Variants in MAD1L1 observed in about 807,000 individuals in gnomAD.
MAD1L1 encodes mitotic spindle assembly checkpoint protein MAD1.
Under a neutral mutation model 96.9 loss-of-function variants are expected in MAD1L1, and 95 were observed. That is an observed-to-expected ratio of 0.98 (90% CI 0.83 to 1.16). The LOEUF (loss-of-function observed/expected upper bound fraction) is 1.16, where lower values mean the gene tolerates loss of function less well. Ranked by LOEUF, MAD1L1 falls within the 50% of genes most tolerant of loss-of-function variation. MAD1L1 has a pLI of 0.00. For synonymous variants in MAD1L1, 473 were observed against 396.6 expected, an observed-to-expected ratio of 1.19 and a Z score of -2.29; for missense variants, 1,007 against 954.4, an observed-to-expected ratio of 1.06 and a Z score of -0.73.
chr7:2,050,942 G>A (rs1784140259), intron 12 of MAD1L1, among the ~76,000 whole-genome samples: 2 of 152,224 alleles, frequency 1.3e-5, no homozygotes, highest in South Asian at 4.1e-4. Flanking sequence ...TTCCTTGGCA[G>A]GGAACCATGC....
Position 2,014,521 on chromosome 7 carries a change from C to T in MAD1L1, c.1340G>A (p.Ser447Asn). ...CCTCACCTCCATCTCGGCGCTGTGG[C>T]TGTGCACCTTCTGCACCATATCCTC... ...EAEDMVQKVHSHSAEMEAQLS... is the reference protein window; with the variant it reads ...EAEDMVQKVHNHSAEMEAQLS... The change falls in exon 13 of 19, where the codon AGC (serine) becomes AAC (asparagine). Residue 447 changes from serine to asparagine, a missense_variant. Transcript: ENST00000265854. 1 of 1,603,166 alleles carries T rather than the reference C, an allele frequency of 6.2e-7. No individual in the cohort carries two copies. Among genetic ancestry groups the T allele is most frequent in the Non-Finnish European group, 8.5e-7 (1 of 1,177,462 alleles).
At chr7:1,859,554 T>C (rs1784418124) in intron 18 of MAD1L1, among the ~76,000 whole-genome samples, 2 of 152,292 alleles carry the variant, frequency 1.3e-5, no homozygotes, top group South Asian at 4.1e-4. Flanking sequence ...GCCAGGACTT[T>C]ATGTTTTTCT....
chr7:2,122,377 TAA>T (rs1225025086), intron 11 of MAD1L1, among the ~76,000 whole-genome samples: 1 of 152,192 alleles, frequency 6.6e-6, no homozygotes, highest in Non-Finnish European at 1.5e-5. Flanking sequence ...CTTGTAATCC[TAA>T]AAGTTTAGTA....
chr7:1,912,391 T>TGGGTG (rs1213674022), intron 17 of MAD1L1, among the ~76,000 whole-genome samples: 1 of 152,162 alleles, frequency 6.6e-6, no homozygotes, highest in Non-Finnish European at 1.5e-5. Flanking sequence ...TCCTCCTGTT[T>TGGGTG]GGGTGAGGTG....
intron 17 of MAD1L1, among the ~76,000 whole-genome samples, chr7:1,934,951 C>A (rs934622656): frequency 2.6e-5 from 4 of 151,646 alleles, no homozygotes; most frequent in Non-Finnish European, 4.4e-5. Context: ...CGGGCAGAGA[C>A]CCAGACAACA....
Position 1,987,859 on chromosome 7 carries a change from G to A in MAD1L1, c.1417-7318C>T, listed in dbSNP as rs572273483. ...CTGTGCCTCCAGCCCTCACCGTGACGACGGGGATACCACCACCTGTCCCTG... is the reference window on the plus strand; with the variant it reads ...CTGTGCCTCCAGCCCTCACCGTGACAACGGGGATACCACCACCTGTCCCTG... On this transcript the variant is annotated intron_variant, in intron 14 of 18. Transcript: ENST00000265854. Among the ~76,000 whole-genome samples the A allele has an allele frequency of 4.3e-3, 655 of 152,284 alleles. 6 individuals are homozygous for A. Among genetic ancestry groups the A allele is most frequent in the African/African-American group, 0.015 (616 of 41,578 alleles).
intron 18 of MAD1L1, among the ~76,000 whole-genome samples, chr7:1,892,432 A>G (rs1786605424): frequency 6.6e-6 from 1 of 152,224 alleles, no homozygotes; most frequent in Admixed American, 6.5e-5. Context: ...CTTGGGACCA[A>G]GTGTCTGGGA....
intron 10 of MAD1L1, among the ~76,000 whole-genome samples, chr7:2,164,421 C>T (rs781533551): frequency 1.5e-4 from 23 of 152,190 alleles, no homozygotes; most frequent in Admixed American, 1.2e-3. Flanking sequence ...TGAGGGCACC[C>T]GGCAGTCAGT....
chr7:2,061,857 A>G (rs1784674684), intron 12 of MAD1L1, among the ~76,000 whole-genome samples: 1 of 152,254 alleles, frequency 6.6e-6, no homozygotes, highest in African/African-American at 2.4e-5. Context: ...TCAGCTATAC[A>G]CAACACACAT....
At chr7:1,898,046 C>G in intron 18 of MAD1L1, 154 bp downstream of exon 18, 1 of 783,468 alleles carries the variant, frequency 1.3e-6, no homozygotes, top group South Asian at 1.7e-5. Flanking sequence ...CAGGGGGTGA[C>G]GAGGACGGGC....
intron 10 of MAD1L1, among the ~76,000 whole-genome samples, chr7:2,212,696 C>T (rs1793039139): frequency 6.6e-6 from 1 of 152,196 alleles, no homozygotes; most frequent in Non-Finnish European, 1.5e-5. Flanking sequence ...CAGATGCCAG[C>T]ACCATGCTTC....
intron 17 of MAD1L1, among the ~76,000 whole-genome samples, chr7:1,936,039 C>T (rs555364900): frequency 2.0e-5 from 3 of 152,360 alleles, no homozygotes; most frequent in South Asian, 4.1e-4. Flanking sequence ...CCCACAGCCT[C>T]GCTGGGGGTG....
At chr7:2,212,971 G>A (rs1793059356) in intron 10 of MAD1L1, among the ~76,000 whole-genome samples, 1 of 152,268 alleles carries the variant, frequency 6.6e-6, no homozygotes, top group African/African-American at 2.4e-5. Context: ...CTGGTTTGCT[G>A]TGGATATTCC....
chr7:2,231,461 G>C (rs906290339), intron 1 of MAD1L1, among the ~76,000 whole-genome samples: 1 of 151,974 alleles, frequency 6.6e-6, no homozygotes, highest in African/African-American at 2.4e-5. Context: ...CTCTACTAAA[G>C]CCAGATGTGG....
At chr7:1,820,857 G>A (rs1430657967) in intron 18 of MAD1L1, among the ~76,000 whole-genome samples, 15 of 151,980 alleles carry the variant, frequency 9.9e-5, no homozygotes, top group Non-Finnish European at 2.1e-4. Flanking sequence ...CGAGGTGGGC[G>A]GATCACGAGG....
At chr7:2,048,912 C>T (rs1016416625) in intron 12 of MAD1L1, among the ~76,000 whole-genome samples, 2 of 152,208 alleles carry the variant, frequency 1.3e-5, no homozygotes, top group African/African-American at 2.4e-5. Context: ...CCACTGACCG[C>T]GTCAACCATG....
intron 5 of MAD1L1, chr7:2,221,149 T>C: frequency 2.4e-6 from 2 of 837,910 alleles, no homozygotes; most frequent in East Asian, 2.7e-5. Flanking sequence ...CCCCTCACTA[T>C]GCCCCACCCC....
At chr7:2,086,187 C>T (rs1318281341) in intron 11 of MAD1L1, among the ~76,000 whole-genome samples, 1 of 152,276 alleles carries the variant, frequency 6.6e-6, no homozygotes, top group Non-Finnish European at 1.5e-5. Context: ...TCCCCACAGG[C>T]CCAGTGAGGA....
At chr7:2,207,039 T>C (rs189768242) in intron 10 of MAD1L1, among the ~76,000 whole-genome samples, 28 of 150,352 alleles carry the variant, frequency 1.9e-4, no homozygotes, top group African/African-American at 6.6e-4. Context: ...GATCGCACCA[T>C]TGCACTCCAG....
Sources: allele counts gnomAD v4.1 joint callset (sites outside exome capture counted in the v4.1 genomes callset), GRCh38; gene constraint gnomAD v4.1.1; transcripts MANE v1.5; gene names NCBI Gene and HGNC (gene_info 2026-07-23, HGNC 2026-07-21).